Variants in MRPS15 observed in about 807,000 individuals in gnomAD.
MRPS15 encodes mitochondrial ribosomal protein S15, also known as small ribosomal subunit protein uS15m.
A neutral mutation model predicts 30.7 loss-of-function variants in MRPS15; 25 were observed. The ratio of observed to expected loss-of-function variants is 0.81; its 90% CI spans 0.59 to 1.14. MRPS15 has a LOEUF of 1.14. Among genes scored for constraint, MRPS15 ranks in the 50% most tolerant of loss-of-function variants. The pLI, the probability that MRPS15 is intolerant of heterozygous loss-of-function variation, is 0.00. For missense variants in MRPS15, 313 were observed against 321.7 expected, an observed-to-expected ratio of 0.97 and a Z score of 0.21; for synonymous variants, 124 against 120.1, an observed-to-expected ratio of 1.03 and a Z score of -0.21.
chr1:36,456,143 AG>A (rs754852918), intron 7 of MRPS15, 43 bp downstream of exon 7: 2 of 1,567,014 alleles, frequency 1.3e-6, no homozygotes, highest in East Asian at 4.5e-5. Context: ...CCTCCATCCC[AG>A]TCCCTGAGTG....
chr1:36,461,660 T>C (rs535525172), intron 3 of MRPS15, among the ~76,000 whole-genome samples: 13 of 152,308 alleles, frequency 8.5e-5, no homozygotes, highest in African/African-American at 2.6e-4. Flanking sequence ...CCACACTGCA[T>C]AGGAGCTGAG....
rs756965895 is a variant in MRPS15, at chr1:36,462,171, G to A, written c.176-8C>T. 1.6e-5 allele frequency: 25 copies of A among 1,606,218 alleles called. No homozygotes were observed. Among genetic ancestry groups the A allele is most frequent in the African/African-American group, 8.0e-5 (6 of 74,664 alleles). On this transcript the variant is annotated splice_polypyrimidine_tract_variant and splice_region_variant and intron_variant, in intron 2 of 7. Coordinates refer to ENST00000373116, the MANE Select transcript of MRPS15 (RefSeq NM_031280.4). ...CATCCAGCCTAGACTGGGCTGTCAA[G>A]TAAATATGGGGATAGAAAACACCCA... is the stretch of plus-strand genomic sequence containing the variant.
At chr1:36,463,677 G>T in intron 2 of MRPS15, 129 bp downstream of exon 2, 1 of 1,042,756 alleles carries the variant, frequency 9.6e-7, no homozygotes. Context: ...GGTGGACGTG[G>T]GGTCTTTTGC....
Position 36,464,344 on chromosome 1 carries a change from A to T in MRPS15, c.-69T>A. 6.4e-7 allele frequency: 1 copy of T among 1,558,404 alleles called. No homozygotes were observed. The highest frequency in any genetic ancestry group is 8.7e-7 in the Non-Finnish European group (1 of 1,152,086). ...CGCTTTGCGGCACGGACCGGGTTAC[A>T]TGGGCGCCGCCATGCTGGCCCAGGA... On this transcript the variant is annotated 5_prime_UTR_variant, in exon 1 of 8. The change abolishes an upstream ATG in the 5' untranslated region. Transcript: ENST00000373116.
At chr1:36,460,152 C>A (rs1409443552) in intron 5 of MRPS15, among the ~76,000 whole-genome samples, 1 of 152,268 alleles carries the variant, frequency 6.6e-6, no homozygotes, top group East Asian at 1.9e-4. Context: ...GGACTACAGG[C>A]GCCCGCCACC....
rs1557580153 is a variant in MRPS15, at chr1:36,457,979, T to C, written c.388A>G (p.Ile130Val). The change falls in exon 6 of 8, where the codon ATT becomes GTT. Residue 130 changes from isoleucine to valine, a missense_variant and splice_region_variant. Transcript: ENST00000373116. ...CTGCGGATCTTGACAGACAAGGCAA[T>C]AACTGAAACCACAAACCACAGAGGA... ...EDTRSLEARI[I>V]ALSVKIRSYE... is the part of the protein sequence containing the mutation. 2 of 1,614,158 alleles carry C rather than the reference T, an allele frequency of 1.2e-6. No individual in the cohort carries two copies. Among genetic ancestry groups the C allele is most frequent in the African/African-American group, 1.3e-5 (1 of 75,044 alleles).
At chr1:36,456,689 T>C (rs1261629825) in intron 6 of MRPS15, 1 of 214,260 alleles carries the variant, frequency 4.7e-6, no homozygotes, top group African/African-American at 2.3e-5. Flanking sequence ...AGACTCTCCA[T>C]AGCTTAGCAA....
intron 6 of MRPS15, 136 bp from the exon 7 acceptor site, chr1:36,456,514 T>G: frequency 1.2e-6 from 1 of 817,962 alleles, no homozygotes; most frequent in Non-Finnish European, 1.8e-6. Flanking sequence ...CTGAAGGAGG[T>G]ATTATCATTG....
At chr1:36,456,146 C>T (rs1409598501) in intron 7 of MRPS15, 41 bp downstream of exon 7, 1 of 1,571,470 alleles carries the variant, frequency 6.4e-7, no homozygotes, top group Admixed American at 1.8e-5. Flanking sequence ...CCATCCCAGT[C>T]CCTGAGTGGG....
chr1:36,457,804 A>G, intron 6 of MRPS15, 119 bp downstream of exon 6: 1 of 919,436 alleles, frequency 1.1e-6, no homozygotes, highest in Admixed American at 1.9e-5. Context: ...CTCTGGAGGC[A>G]GGAGGGAAGC....
chr1:36,463,922 C>A, intron 1 of MRPS15, 72 bp from the exon 2 acceptor site: 2 of 1,552,802 alleles, frequency 1.3e-6, no homozygotes, highest in Non-Finnish European at 1.7e-6. Context: ...CTGTGCCCCT[C>A]GCATTGCCCG....
At chr1:36,456,115 G>A in intron 7 of MRPS15, 72 bp downstream of exon 7, 2 of 1,527,192 alleles carry the variant, frequency 1.3e-6, no homozygotes, top group East Asian at 4.5e-5. Context: ...AGAAACAGAT[G>A]ATCCCTCCCT....
chr1:36,458,498 G>C lies in MRPS15; in HGVS notation c.386-517C>G, dbSNP rs1397309303. ...CCTGCCTTGGCCTCCCAAAGTGGTG[G>C]GGTTACAGGTGTGAGCCACCGTGCC... On this transcript the variant is annotated intron_variant, in intron 5 of 7. Transcript: ENST00000373116. The surrounding 1 kb of genome is among the most constrained non-coding windows in gnomAD (Gnocchi z 4.5). The C allele has an allele frequency of 6.4e-6, 1 of 155,494 alleles. No individual in the cohort carries two copies. Among genetic ancestry groups the C allele is most frequent in the Non-Finnish European group, 1.4e-5 (1 of 69,886 alleles). The allele number at this position is 155,494 out of a possible 1,614,324, so 9.6% of individuals were successfully genotyped here. A position where few individuals can be genotyped will look rare whatever the true frequency, so the allele number is the denominator to read the frequency against.
At chr1:36,460,537 G>A (rs1650074619) in intron 5 of MRPS15, among the ~76,000 whole-genome samples, 155 bp downstream of exon 5, 1 of 152,138 alleles carries the variant, frequency 6.6e-6, no homozygotes, top group Non-Finnish European at 1.5e-5. Flanking sequence ...CAGCATCAGA[G>A]CTTGGGATAC....
At chr1:36,461,188 G>T in intron 4 of MRPS15, 76 bp downstream of exon 4, 1 of 1,337,186 alleles carries the variant, frequency 7.5e-7, no homozygotes, top group South Asian at 1.2e-5. Context: ...CATGAGATGC[G>T]GGGTGCTAAT....
Position 36,456,207 on chromosome 1 carries a change from T to C in MRPS15, c.616A>G (p.Lys206Glu), listed in dbSNP as rs1391007786. ...CGTACCCGAATGCACAGAGCCTTCT[T>C]GGTCACGAATCGGCGGTGGGCTCTT... ...YRRAHRRFVTKKALCIRVFQE... is the reference protein window; with the variant it reads ...YRRAHRRFVTEKALCIRVFQE... The change falls in exon 7 of 8, where the codon AAG becomes GAG. Residue 206 changes from lysine to glutamate, a missense_variant. Transcript: ENST00000373116. 2.5e-6 allele frequency: 4 copies of C among 1,611,420 alleles called. No homozygotes were observed. In the Admixed American group the frequency reaches 6.7e-5, roughly 27 times the overall value.
chr1:36,457,327 T>C (rs1038867902), intron 6 of MRPS15, among the ~76,000 whole-genome samples: 12 of 151,824 alleles, frequency 7.9e-5, no homozygotes, highest in Admixed American at 6.6e-4. Flanking sequence ...AAGACTGCCT[T>C]GTTTCAAGGT....
intron 5 of MRPS15, 147 bp downstream of exon 5, chr1:36,460,545 T>A (rs1650074665): frequency 1.6e-6 from 1 of 641,142 alleles, no homozygotes; most frequent in African/African-American, 1.8e-5. Flanking sequence ...GAGCTTGGGA[T>A]ACAGGGTCCA....
chr1:36,457,862 C>A (rs1318902601), intron 6 of MRPS15, 61 bp downstream of exon 6: 34 of 1,531,962 alleles, frequency 2.2e-5, no homozygotes, highest in Non-Finnish European at 3.0e-5. Flanking sequence ...GAGCCCTTCC[C>A]CTCCGGACCC....
Sources: gnomAD v4.1 joint callset for allele counts (sites outside exome capture counted in the v4.1 genomes callset) on GRCh38, gnomAD v4.1.1 for gene constraint, Gnocchi (gnomAD v3.1) non-coding constraint, MANE v1.5 for transcripts, NCBI Gene and HGNC (gene_info 2026-07-23, HGNC 2026-07-21) for gene names.